ANO4: variants seen among roughly 807,000 people sequenced by gnomAD.
The protein encoded by ANO4 is anoctamin-4.
Under a neutral mutation model 141.9 loss-of-function variants are expected in ANO4, and 69 were observed. The observed-to-expected ratio is 0.49, with a 90% CI of 0.40 to 0.59. The LOEUF (loss-of-function observed/expected upper bound fraction) is 0.59. Among genes scored for constraint, ANO4 ranks in the 20% least tolerant of loss-of-function variants. The pLI, the probability that ANO4 is intolerant of heterozygous loss-of-function variation, is 0.00. For synonymous variants in ANO4, 350 were observed against 394.3 expected (o/e 0.89, Z 1.33); for missense variants, 894 against 1,162.2 (o/e 0.77, Z 3.36).
chr12:101,013,098 T>G (rs1377164404), intron 8 of ANO4, among the ~76,000 whole-genome samples: 1 of 152,154 alleles, frequency 6.6e-6, no homozygotes, highest in Non-Finnish European at 1.5e-5. Flanking sequence ...TAACTACCAT[T>G]TGACCCAGCA....
At chr12:100,983,340 C>T (rs750409012) in intron 7 of ANO4, among the ~76,000 whole-genome samples, 45 of 152,266 alleles carry the variant, frequency 3.0e-4, no homozygotes, top group Middle Eastern at 6.8e-3. Context: ...TAACGCATTG[C>T]GACGAATTTA....
chr12:100,735,356 G>T lies in ANO4; in HGVS notation c.106+1499G>T, dbSNP rs542323856. On this transcript the variant is annotated intron_variant, in intron 2 of 29. Coordinates refer to the ANO4 transcript ENST00000644049. Reference sequence around the variant, plus strand: ...GATAGTTTAAAAATTCTCGTGGAGAGCTCGCAGACCCTGGTTTGAAAACAC... The same window carrying T: ...GATAGTTTAAAAATTCTCGTGGAGATCTCGCAGACCCTGGTTTGAAAACAC... Among the ~76,000 whole-genome samples the T allele has an allele frequency of 2.0e-5, 3 of 151,048 alleles. No homozygotes were observed. The East Asian group carries it at 5.9e-4, about 30-fold the overall frequency.
At chr12:101,081,960 T>C (rs2049298862) in intron 15 of ANO4, among the ~76,000 whole-genome samples, 1 of 152,174 alleles carries the variant, frequency 6.6e-6, no homozygotes, top group Non-Finnish European at 1.5e-5. Context: ...AAAAAACCTG[T>C]TTCCACATAT....
intron 14 of ANO4, among the ~76,000 whole-genome samples, chr12:101,050,904 C>T (rs919798646): frequency 6.6e-6 from 1 of 152,138 alleles, no homozygotes; most frequent in East Asian, 1.9e-4. Context: ...ATTTACTGTG[C>T]AATGAGTTAA....
chr12:100,885,684 A>T (rs2039792489), intron 1 of ANO4: 1 of 152,238 alleles, frequency 6.6e-6, no homozygotes, highest in Admixed American at 6.5e-5. Flanking sequence ...CCTGAGACAT[A>T]GTAAACCATC....
chr12:100,963,433 T>G (rs1225944102), intron 5 of ANO4, among the ~76,000 whole-genome samples: 1 of 152,118 alleles, frequency 6.6e-6, no homozygotes, highest in African/African-American at 2.4e-5. Context: ...TGTAATCATT[T>G]AGGAACATAT....
At position 100,777,752 on chromosome 12, in the gene ANO4, A is replaced by G. The variant is rs77774462; in HGVS notation, c.358+37647A>G. On this transcript the variant is annotated intron_variant, in intron 3 of 29. Transcript: ENST00000644049. ...ATAAATTTTAGCATTTATAAAGACT[A>G]TTTTACAACCTTTTACTCATATTAA... Among the ~76,000 whole-genome samples the G allele has an allele frequency of 4.9e-3, 752 of 152,190 alleles. 23 individuals are homozygous for G. In the East Asian group the frequency reaches 0.068, roughly 14 times the overall value.
intron 8 of ANO4, among the ~76,000 whole-genome samples, chr12:101,009,602 T>C (rs969450978): frequency 6.6e-6 from 1 of 152,148 alleles, no homozygotes; most frequent in African/African-American, 2.4e-5. Context: ...CAATTCCTAA[T>C]TCTCTGTGCG....
At chr12:100,824,379 T>C (rs906916924) in intron 1 of ANO4, among the ~76,000 whole-genome samples, 2 of 152,022 alleles carry the variant, frequency 1.3e-5, no homozygotes, top group Middle Eastern at 3.4e-3. Flanking sequence ...GAAATTCCAC[T>C]AGGAACTTGA....
At chr12:100,975,958 C>CT (rs2044172586) in intron 7 of ANO4, among the ~76,000 whole-genome samples, 1 of 148,782 alleles carries the variant, frequency 6.7e-6, no homozygotes, top group African/African-American at 2.5e-5. Context: ...AAAAAAAACC[C>CT]ACCAGATGAA....
At chr12:101,119,642 G>A (rs531630379) in intron 25 of ANO4, among the ~76,000 whole-genome samples, 2 of 152,170 alleles carry the variant, frequency 1.3e-5, no homozygotes, top group African/African-American at 4.8e-5. Context: ...ACTACATATA[G>A]TATAGTACCC....
intron 5 of ANO4, among the ~76,000 whole-genome samples, chr12:100,952,215 A>G (rs868454660): frequency 4.4e-4 from 67 of 152,194 alleles, no homozygotes; most frequent in Non-Finnish European, 1.5e-4. Context: ...CTCAAGCCAG[A>G]CAGCTGGGAT....
intron 6 of ANO4, 97 bp downstream of exon 6, chr12:100,971,503 G>T: frequency 1.2e-6 from 1 of 846,108 alleles, no homozygotes; most frequent in Non-Finnish European, 1.8e-6. Flanking sequence ...ATGCAGATTG[G>T]AAGGCCATTA....
intron 22 of ANO4, 115 bp downstream of exon 22, chr12:101,099,835 C>A: frequency 1.2e-6 from 1 of 800,252 alleles, no homozygotes; most frequent in Non-Finnish European, 1.8e-6. Context: ...ATTCCTAAGG[C>A]AAACAGAGAG....
At chr12:100,838,974 G>A (rs978488251) in intron 1 of ANO4, among the ~76,000 whole-genome samples, 4 of 152,104 alleles carry the variant, frequency 2.6e-5, no homozygotes, top group Admixed American at 2.6e-4. Context: ...CTAAAAGCAG[G>A]TTCCCTATCT....
chr12:100,910,833 A>G lies in ANO4; in HGVS notation c.55+8993A>G, dbSNP rs188698093. Among the ~76,000 whole-genome samples the G allele has an allele frequency of 2.9e-3, 446 of 152,280 alleles. 3 individuals carry two copies. Among genetic ancestry groups the G allele is most frequent in the African/African-American group, 0.01 (421 of 41,554 alleles). On this transcript the variant is annotated intron_variant, in intron 2 of 27. Transcript: ENST00000392977. ...CTTTAGTCTCATTTAGAATTTGTAA[A>G]ATAATGTTTTGCCGATATGTGTTAT...
chr12:100,932,443 G>T (rs2042121132), intron 3 of ANO4, among the ~76,000 whole-genome samples: 1 of 151,292 alleles, frequency 6.6e-6, no homozygotes, highest in African/African-American at 2.4e-5. Context: ...TCCCACTCAT[G>T]TCATGTCCAG....
At position 101,096,525 on chromosome 12, in the gene ANO4, T is replaced by G. The variant is rs761298775; in HGVS notation, c.1739-11T>G. ...TCAGCCTTTCAAACTCTGCTCACCT[T>G]TTGTCCACAGAACAGCCTCGCACAG... On this transcript the variant is annotated splice_polypyrimidine_tract_variant and intron_variant, in intron 18 of 27. Transcript: ENST00000392977. 15 of 1,605,524 alleles carry G rather than the reference T, an allele frequency of 9.3e-6. No homozygotes were observed. The highest frequency in any genetic ancestry group is 1.3e-5 in the Non-Finnish European group (15 of 1,172,688).
At chr12:101,101,809 G>C (rs181878551) in intron 22 of ANO4, among the ~76,000 whole-genome samples, 1 of 152,186 alleles carries the variant, frequency 6.6e-6, no homozygotes, top group Admixed American at 6.5e-5. Flanking sequence ...TTGACCAGGC[G>C]TGGTGGCTCA....
Sources: allele counts gnomAD v4.1 joint callset (sites outside exome capture counted in the v4.1 genomes callset), GRCh38; gene constraint gnomAD v4.1.1; transcripts MANE v1.5; gene names NCBI Gene and HGNC (gene_info 2026-07-23, HGNC 2026-07-21).